CDH13: variants seen among roughly 807,000 people sequenced by gnomAD.
CDH13 encodes the protein cadherin 13.
Under a neutral mutation model 63.8 loss-of-function variants are expected in CDH13, and 24 were observed. The observed-to-expected ratio is 0.38, with a 90% CI of 0.27 to 0.53. The LOEUF (loss-of-function observed/expected upper bound fraction) is 0.53. Among genes scored for constraint, CDH13 ranks in the 20% least tolerant of loss-of-function variants. The probability of loss-of-function intolerance (pLI) is 0.85; values close to 1 mark genes in which losing one functional copy is unlikely to be tolerated. For missense variants in CDH13, 1,049 were observed against 903.1 expected, an observed-to-expected ratio of 1.16 and a Z score of -2.07; for synonymous variants, 503 against 355.3, an observed-to-expected ratio of 1.42 and a Z score of -4.67.
At chr16:83,623,680 G>C (rs1910019011) in intron 8 of CDH13, among the ~76,000 whole-genome samples, 1 of 152,126 alleles carries the variant, frequency 6.6e-6, no homozygotes, top group Non-Finnish European at 1.5e-5. Flanking sequence ...TTAGCTGTCT[G>C]GTCTATAATA....
chr16:82,628,861 G>A (rs966438442), intron 1 of CDH13, among the ~76,000 whole-genome samples: 1 of 152,194 alleles, frequency 6.6e-6, no homozygotes, highest in African/African-American at 2.4e-5. Flanking sequence ...ACCAACCCGG[G>A]CAAGTTGTTT....
chr16:83,096,959 A>C (rs905015797), intron 3 of CDH13, among the ~76,000 whole-genome samples: 2 of 152,140 alleles, frequency 1.3e-5, no homozygotes, highest in Non-Finnish European at 2.9e-5. Flanking sequence ...GCACGGTTGA[A>C]AATAAAAATA....
chr16:83,417,819 G>A (rs181880263), intron 6 of CDH13, among the ~76,000 whole-genome samples: 9 of 152,190 alleles, frequency 5.9e-5, no homozygotes, highest in African/African-American at 9.6e-5. Flanking sequence ...TGCTTTGATG[G>A]GGAAACTGGG....
intron 3 of CDH13, among the ~76,000 whole-genome samples, chr16:83,069,796 G>C (rs547440549): frequency 2.6e-5 from 4 of 152,084 alleles, no homozygotes; most frequent in African/African-American, 9.7e-5. Context: ...CATCTCCTTA[G>C]ATTTAACACG....
At chr16:83,725,429 C>G (rs924627835) in intron 10 of CDH13, 3 of 152,388 alleles carry the variant, frequency 2.0e-5, no homozygotes, top group Non-Finnish European at 4.4e-5. Context: ...TCCAGGCCTA[C>G]ACAGTTTGTG....
Position 82,854,918 on chromosome 16 carries a change from G to C in CDH13, c.46-3444G>C, listed in dbSNP as rs73590343. On this transcript the variant is annotated intron_variant, in intron 1 of 13. Coordinates refer to ENST00000567109, the MANE Select transcript of CDH13 (RefSeq NM_001257.5). ...GTGTGGCACCTTTCTCATTGCTTTG[G>C]ACAATGTGTAGCAAAGTCCTCACTG... is the stretch of plus-strand genomic sequence containing the variant. 3.0e-3 allele frequency among the ~76,000 whole-genome samples: 449 copies of C among 152,120 alleles called. 2 individuals carry two copies. Among genetic ancestry groups the C allele is most frequent in the African/African-American group, 0.011 (438 of 41,492 alleles).
chr16:83,014,144 A>C (rs181592549), intron 2 of CDH13, among the ~76,000 whole-genome samples: 130 of 152,226 alleles, frequency 8.5e-4, no homozygotes, highest in African/African-American at 3.1e-3. Context: ...ATTCACACAC[A>C]CAAAAAAAGG....
intron 1 of CDH13, among the ~76,000 whole-genome samples, chr16:82,655,721 A>C (rs1158317708): frequency 6.6e-6 from 1 of 152,168 alleles, no homozygotes; most frequent in Non-Finnish European, 1.5e-5. Flanking sequence ...ACATTTGTTA[A>C]TTTTACATAT....
intron 2 of CDH13, among the ~76,000 whole-genome samples, chr16:83,018,294 G>A (rs892359620): frequency 2.0e-5 from 3 of 152,270 alleles, no homozygotes; most frequent in African/African-American, 4.8e-5. Flanking sequence ...GCTTCTAGAC[G>A]CTAAGTATCA....
chr16:83,250,309 T>C (rs1264024410), intron 5 of CDH13, among the ~76,000 whole-genome samples: 5 of 152,198 alleles, frequency 3.3e-5, no homozygotes, highest in Non-Finnish European at 5.9e-5. Context: ...AACACCTGAT[T>C]TATGCCAGCC....
chr16:83,063,854 C>T (rs896393257), intron 3 of CDH13, among the ~76,000 whole-genome samples: 3 of 152,160 alleles, frequency 2.0e-5, no homozygotes, highest in African/African-American at 4.8e-5. Context: ...GTGACCCCTT[C>T]TTACAACTTC....
At chr16:83,283,918 G>C (rs1418925604) in intron 5 of CDH13, among the ~76,000 whole-genome samples, 2 of 152,124 alleles carry the variant, frequency 1.3e-5, no homozygotes, top group African/African-American at 4.8e-5. Flanking sequence ...TTTTTGTAAT[G>C]TGTGTTTCAG....
chr16:83,337,218 G>T (rs1489567552), intron 5 of CDH13, among the ~76,000 whole-genome samples: 1 of 152,134 alleles, frequency 6.6e-6, no homozygotes, highest in Non-Finnish European at 1.5e-5. Flanking sequence ...ATTTCTACTG[G>T]ATACCTGCTC....
intron 3 of CDH13, among the ~76,000 whole-genome samples, chr16:83,121,479 G>A (rs8056041): frequency 0.23 from 35,350 of 152,112 alleles, 4,372 homozygotes; most frequent in East Asian, 0.36. Context: ...CAGCACATTG[G>A]CCAGCATACG....
chr16:83,049,998 CA>C (rs1222749297), intron 3 of CDH13, among the ~76,000 whole-genome samples: 1 of 152,126 alleles, frequency 6.6e-6, no homozygotes, highest in Non-Finnish European at 1.5e-5. Context: ...AATAATGCTA[CA>C]AAAACGTTGT....
At chr16:83,282,078 C>T (rs562774975) in intron 5 of CDH13, among the ~76,000 whole-genome samples, 1 of 151,828 alleles carries the variant, frequency 6.6e-6, no homozygotes, top group Non-Finnish European at 1.5e-5. Context: ...ATAGGGAGTC[C>T]CAAGGAGAGG....
intron 7 of CDH13, among the ~76,000 whole-genome samples, chr16:83,524,316 A>G (rs2074906449): frequency 6.6e-6 from 1 of 152,324 alleles, no homozygotes; most frequent in Admixed American, 6.5e-5. Flanking sequence ...ATGCAGACAT[A>G]GATTTAAAAA....
At chr16:82,878,461 C>G (rs781409709) in intron 2 of CDH13, among the ~76,000 whole-genome samples, 8 of 137,654 alleles carry the variant, frequency 5.8e-5, no homozygotes, top group African/African-American at 1.8e-4. Flanking sequence ...CACACAGATA[C>G]ATTTCAGTAA....
At chr16:82,935,660 A>G (rs554562503) in intron 2 of CDH13, among the ~76,000 whole-genome samples, 96 of 152,300 alleles carry the variant, frequency 6.3e-4, no homozygotes, top group African/African-American at 2.2e-3. Flanking sequence ...CCTCTGGGCT[A>G]TGGACCACAG....
Sources: gnomAD v4.1 joint callset for allele counts (sites outside exome capture counted in the v4.1 genomes callset) on GRCh38, gnomAD v4.1.1 for gene constraint, MANE v1.5 for transcripts, NCBI Gene and HGNC (gene_info 2026-07-23, HGNC 2026-07-21) for gene names.